The following PLG variants were observed in gnomAD, a reference collection of about 807,000 sequenced individuals.
PLG encodes plasminogen.
PLG carries 41 observed loss-of-function variants against 104.4 expected under a neutral mutation model. That is an observed-to-expected ratio of 0.39 (90% confidence interval 0.31 to 0.51). PLG has a LOEUF of 0.51. Ranked by LOEUF, PLG falls within the 20% of genes least tolerant of loss-of-function variation. The pLI is 0.76. For synonymous variants in PLG, 337 were observed against 357.1 expected (o/e 0.94, Z 0.63); for missense variants, 891 against 1,003.6 (o/e 0.89, Z 1.52).
In PLG at chr6:160,718,320, A is replaced by G. The variant is rs754598185; in HGVS notation, c.814A>G (p.Thr272Ala). The G allele has an allele frequency of 1.9e-6, 3 of 1,613,868 alleles. No individual in the cohort carries two copies. In the African/African-American group the frequency reaches 4.0e-5, roughly 22 times the overall value. ...AACACCTCCACCATCTTCTGGTCCC[A>G]CCTACCAGTGTCTGAAGGGAACAGG... is the stretch of plus-strand genomic sequence containing the variant. Reference protein sequence around the residue: ...CTTPPPSSGPTYQCLKGTGEN... With the variant: ...CTTPPPSSGPAYQCLKGTGEN... Residue 272 changes from threonine (T) to alanine (A), a missense_variant, in exon 8 of 19, where the codon ACC becomes GCC. Thr to Ala is a moderately conservative substitution (Grantham distance 58, BLOSUM62 0). Transcript: ENST00000308192.
At chr6:160,711,225 A>G (rs1334098762) in intron 4 of PLG, 34 bp downstream of exon 4, 1 of 1,600,856 alleles carries the variant, frequency 6.2e-7, no homozygotes, top group African/African-American at 1.3e-5. Context: ...GTGTTCATCT[A>G]CTGTAAAGTT....
chr6:160,748,401 G>GAAAGAAAGAAAGA lies in PLG; in HGVS notation c.2126-3712_2126-3711insAGAAAGAAAGAAA, dbSNP rs1562383473. On this transcript the variant is annotated intron_variant, in intron 17 of 18. Transcript: ENST00000308192. ...GAAAGAAAGAAAGAAAGAAAGAAAGGAAGAAAGAAAGAAAGGGAAAGAAAG... is the reference window on the plus strand; with the variant it reads ...GAAAGAAAGAAAGAAAGAAAGAAAGGAAAGAAAGAAAGAAAGAAAGAAAGAAAGGGAAAGAAAG... Among the ~76,000 whole-genome samples, 211 of 71,096 alleles carry GAAAGAAAGAAAGA rather than the reference G, an allele frequency of 3.0e-3. 17 individuals are homozygous for GAAAGAAAGAAAGA. Among genetic ancestry groups the GAAAGAAAGAAAGA allele is most frequent in the Non-Finnish European group, 3.7e-3 (136 of 37,166 alleles). The allele number at this position is 71,096 out of a possible 152,430, so 46.6% of individuals were successfully genotyped here.
chr6:160,751,144 A>G (rs1778392730), intron 17 of PLG, among the ~76,000 whole-genome samples: 1 of 152,198 alleles, frequency 6.6e-6, no homozygotes, highest in Non-Finnish European at 1.5e-5. Flanking sequence ...TTAGAAAATA[A>G]TTTGGCAACG....
In PLG at chr6:160,726,281, A is replaced by G. The variant is rs1277933842; in HGVS notation, c.1256+3714A>G. On this transcript the variant is annotated intron_variant, in intron 10 of 18. Coordinates refer to ENST00000308192, the MANE Select transcript of PLG (RefSeq NM_000301.5). This position sits in a 1 kb window ranked among gnomAD's most constrained non-coding sequence, Gnocchi z 4.4. ...AAACAGAATTAAATGAGATATAAAT[A>G]ACAAAAAAATTGGGAAATTATCAAA... is the stretch of plus-strand genomic sequence containing the variant. 6.6e-6 allele frequency among the ~76,000 whole-genome samples: 1 copy of G among 152,034 alleles called. No homozygotes were observed. Among genetic ancestry groups the G allele is most frequent in the Non-Finnish European group, 1.5e-5 (1 of 67,930 alleles).
Position 160,734,473 on chromosome 6 carries a change from C to T in PLG, c.1681+385C>T, listed in dbSNP as rs1778053943. On this transcript the variant is annotated intron_variant, in intron 13 of 18. Transcript: ENST00000308192. The surrounding 1 kb of genome is among the most constrained non-coding windows in gnomAD (Gnocchi z 4.4). Reference sequence around the variant, plus strand: ...GAAGTAAGAAAGAAAATACAAACAGCAGGAAACAGGTAAGCATGTAACGCA... The same window carrying T: ...GAAGTAAGAAAGAAAATACAAACAGTAGGAAACAGGTAAGCATGTAACGCA... Among the ~76,000 whole-genome samples the T allele has an allele frequency of 6.6e-6, 1 of 152,080 alleles. No individual in the cohort carries two copies. The highest frequency in any genetic ancestry group is 1.5e-5 in the Non-Finnish European group (1 of 68,010).
At chr6:160,743,417 GGC>G (rs1353773088) in intron 17 of PLG, among the ~76,000 whole-genome samples, 1 of 152,034 alleles carries the variant, frequency 6.6e-6, no homozygotes, top group African/African-American at 2.4e-5. Flanking sequence ...TTCTTTTTGT[GGC>G]ATTTGTGAAT....
intron 4 of PLG, 76 bp downstream of exon 4, chr6:160,711,267 G>A: frequency 1.5e-6 from 2 of 1,340,698 alleles, no homozygotes; most frequent in Non-Finnish European, 2.1e-6. Context: ...ATTGGTTCCA[G>A]GACCCCTGTG....
chr6:160,744,272 G>A lies in PLG; in HGVS notation c.2125+2855G>A, dbSNP rs1162439645. 6.6e-6 allele frequency among the ~76,000 whole-genome samples: 1 copy of A among 152,164 alleles called. No individual in the cohort carries two copies. The highest frequency in any genetic ancestry group is 1.5e-5 in the Non-Finnish European group (1 of 68,028). On this transcript the variant is annotated intron_variant, in intron 17 of 18. Coordinates refer to ENST00000308192, the MANE Select transcript of PLG (RefSeq NM_000301.5). The surrounding 1 kb of genome is among the most constrained non-coding windows in gnomAD (Gnocchi z 4.5). Reference sequence around the variant, plus strand: ...TTTGTACATCTGGTGGAATTCAGCTGTGAATCTATCTGGTCCTGGGCTTTT... The same window carrying A: ...TTTGTACATCTGGTGGAATTCAGCTATGAATCTATCTGGTCCTGGGCTTTT...
chr6:160,736,970 C>G lies in PLG; in HGVS notation c.1765C>G (p.Pro589Ala). The part of the protein sequence containing the change: ...GRVVGGCVAH[P>A]HSWPWQVSLR... ...GGTTGTAGGGGGGTGTGTGGCCCACCCACATTCCTGGCCCTGGCAAGTCAG... is the reference window on the plus strand; with the variant it reads ...GGTTGTAGGGGGGTGTGTGGCCCACGCACATTCCTGGCCCTGGCAAGTCAG... Residue 589 changes from proline to alanine, a missense_variant, in exon 14 of 19, where the codon CCA becomes GCA. By Grantham distance (27) the Pro-to-Ala change is conservative (BLOSUM62 -1). Around this residue, in one of 2 missense-constraint regions of PLG, gnomAD observed 854 missense variants for 932.1 expected, o/e 0.92. Coordinates refer to ENST00000308192, the MANE Select transcript of PLG (RefSeq NM_000301.5). The surrounding 1 kb of genome is among the most constrained non-coding windows in gnomAD (Gnocchi z 5.2). 2 of 1,613,814 alleles carry G rather than the reference C, an allele frequency of 1.2e-6. No individual in the cohort carries two copies. Among genetic ancestry groups the G allele is most frequent in the Non-Finnish European group, 1.7e-6 (2 of 1,179,906 alleles).
In PLG at chr6:160,748,021, CTCT is replaced by C. The variant is rs528190153; in HGVS notation, c.2126-4093_2126-4091del. Among the ~76,000 whole-genome samples, 1,242 of 151,686 alleles carry C rather than the reference CTCT, an allele frequency of 8.2e-3. 9 individuals are homozygous for C. The highest frequency in any genetic ancestry group is 0.013 in the Non-Finnish European group (880 of 67,692). Reference sequence around the variant, plus strand: ...TCAGGACTTAGAAAAGTCATAAACTCTCTGGCTGGGTGCAGTGGCTCACGCCTG... The same window carrying C: ...TCAGGACTTAGAAAAGTCATAAACTCGGCTGGGTGCAGTGGCTCACGCCTG... On this transcript the variant is annotated intron_variant, in intron 17 of 18. Coordinates refer to ENST00000308192, the MANE Select transcript of PLG (RefSeq NM_000301.5).
At chr6:160,746,614 G>A (rs1260966957) in intron 17 of PLG, among the ~76,000 whole-genome samples, 2 of 152,106 alleles carry the variant, frequency 1.3e-5, no homozygotes, top group Non-Finnish European at 2.9e-5. Flanking sequence ...CCTATCCATA[G>A]TCTGAATTCC....
At position 160,718,384 on chromosome 6, in the gene PLG, G is replaced by A; in HGVS notation, c.878G>A (p.Gly293Glu). ...GGGAATGTGGCTGTTACCGTGTCCG[G>A]GCACACCTGTCAGCACTGGAGTGCA... Reference protein sequence around the residue: ...YRGNVAVTVSGHTCQHWSAQT... With the variant: ...YRGNVAVTVSEHTCQHWSAQT... The change falls in exon 8 of 19, where the codon GGG becomes GAG. Residue 293 changes from glycine (G) to glutamate (E), a missense_variant. Physicochemically the swap from Gly to Glu is moderately conservative, Grantham distance 98 (BLOSUM62 -2). Coordinates refer to ENST00000308192, the MANE Select transcript of PLG (RefSeq NM_000301.5). 2 of 1,613,620 alleles carry A rather than the reference G, an allele frequency of 1.2e-6. No homozygotes were observed. The highest frequency in any genetic ancestry group is 1.7e-6 in the Non-Finnish European group (2 of 1,179,528).
At chr6:160,706,067 T>C (rs532326983) in intron 1 of PLG, 3 of 327,920 alleles carry the variant, frequency 9.1e-6, no homozygotes, top group East Asian at 1.4e-4. Context: ...GTTACATAAC[T>C]AAATTGCGTG....
chr6:160,728,407 G>T (rs899575989), intron 10 of PLG, among the ~76,000 whole-genome samples: 1 of 4,738 alleles, frequency 2.1e-4, no homozygotes, highest in Non-Finnish European at 3.9e-4. Context: ...CTCAGCAGTC[G>T]TTTTTTTTAA....
intron 2 of PLG, 21 bp from the exon 3 acceptor site, chr6:160,707,679 A>G: frequency 6.4e-7 from 1 of 1,564,378 alleles, no homozygotes; most frequent in Non-Finnish European, 8.8e-7. Flanking sequence ...TACTTATTGG[A>G]TTTCCTGCTT....
intron 1 of PLG, 50 bp from the exon 2 acceptor site, chr6:160,706,357 T>C (rs1281864319): frequency 2.5e-6 from 4 of 1,608,074 alleles, no homozygotes; most frequent in Admixed American, 1.7e-5. Flanking sequence ...CAATTAGACA[T>C]TGACATTGAT....
intron 1 of PLG, among the ~76,000 whole-genome samples, chr6:160,704,115 G>T (rs1176037780): frequency 6.6e-6 from 1 of 152,170 alleles, no homozygotes; most frequent in East Asian, 1.9e-4. Context: ...TCTGCATTTT[G>T]CCTATAATAT....
At chr6:160,715,512 C>T (rs1777713484) in intron 6 of PLG, among the ~76,000 whole-genome samples, 1 of 152,188 alleles carries the variant, frequency 6.6e-6, no homozygotes, top group Non-Finnish European at 1.5e-5. Context: ...AAGCTTCTTG[C>T]TCTAGAAAGT....
chr6:160,736,510 G>A lies in PLG; in HGVS notation c.1682-377G>A, dbSNP rs544682557. On this transcript the variant is annotated intron_variant, in intron 13 of 18. Coordinates refer to ENST00000308192, the MANE Select transcript of PLG (RefSeq NM_000301.5). The surrounding 1 kb of genome is among the most constrained non-coding windows in gnomAD (Gnocchi z 5.2). ...ACATGGTTTAGATGGTGATGGTGATGATGATGATTATGGGAAGGATGGCAT... is the reference window on the plus strand; with the variant it reads ...ACATGGTTTAGATGGTGATGGTGATAATGATGATTATGGGAAGGATGGCAT... 1.3e-5 allele frequency among the ~76,000 whole-genome samples: 2 copies of A among 152,324 alleles called. No individual in the cohort carries two copies. Among genetic ancestry groups the A allele is most frequent in the East Asian group, 3.9e-4 (2 of 5,182 alleles).
Sources: allele counts gnomAD v4.1 joint callset (sites outside exome capture counted in the v4.1 genomes callset), GRCh38; gene constraint gnomAD v4.1.1; regional missense constraint gnomAD v4.1.1; non-coding constraint Gnocchi (gnomAD v3.1); transcripts MANE v1.5; gene names NCBI Gene and HGNC (gene_info 2026-07-23, HGNC 2026-07-21).